The following FARS2 variants were observed in gnomAD, a reference collection of about 807,000 sequenced individuals.
FARS2 encodes phenylalanine--tRNA ligase, mitochondrial.
In FARS2, 40 loss-of-function variants were observed where a neutral mutation model predicts 46.4. The observed-to-expected ratio is 0.86, with a 90% confidence interval of 0.67 to 1.12. The LOEUF (loss-of-function observed/expected upper bound fraction) is 1.12, where lower values mean the gene tolerates loss of function less well. Among genes scored for constraint, FARS2 ranks in the 50% most tolerant of loss-of-function variants. The pLI is 0.00. For missense variants in FARS2, 513 were observed against 567.9 expected, an observed-to-expected ratio of 0.90 and a Z score of 0.98; for synonymous variants, 234 against 214.9, an observed-to-expected ratio of 1.09 and a Z score of -0.78.
chr6:5,314,726 C>T (rs1288950804), intron 1 of FARS2, among the ~76,000 whole-genome samples: 2 of 152,098 alleles, frequency 1.3e-5, no homozygotes, highest in African/African-American at 2.4e-5. Flanking sequence ...AGGTCCTCGT[C>T]GATATGGGGT....
Position 5,359,029 on chromosome 6 carries a change from CCTTTTTTTTTTTT to C in FARS2, c.-21-9520_-21-9508del, listed in dbSNP as rs1269708312. Among the ~76,000 whole-genome samples the C allele has an allele frequency of 4.3e-4, 31 of 72,534 alleles. 3 individuals carry two copies. The East Asian group carries it at 7.4e-3, about 17-fold the overall frequency. The allele number at this position is 72,534 out of a possible 152,430, so 47.6% of individuals were successfully genotyped here. On this transcript the variant is annotated intron_variant, in intron 1 of 6. Coordinates refer to ENST00000274680, the MANE Select transcript of FARS2 (RefSeq NM_006567.5). ...TCGAATTATAGTGATGAAAAGATAC[CCTTTTTTTTTTTT>C]TTTTTTTTTTTTTTTGATATGGAGG... is the stretch of plus-strand genomic sequence containing the variant.
intron 1 of FARS2, among the ~76,000 whole-genome samples, chr6:5,264,864 T>C (rs919181063): frequency 1.3e-5 from 2 of 152,100 alleles, no homozygotes; most frequent in African/African-American, 4.8e-5. Context: ...TGCTATCATA[T>C]CTCGTTGTAA....
intron 1 of FARS2, among the ~76,000 whole-genome samples, chr6:5,281,167 GCT>G (rs1269604792): frequency 1.3e-5 from 2 of 152,130 alleles, no homozygotes; most frequent in African/African-American, 4.8e-5. Context: ...GAGTCTAAAA[GCT>G]TCTTAAACAA....
intron 6 of FARS2, among the ~76,000 whole-genome samples, chr6:5,735,332 C>T (rs1760882131): frequency 6.6e-6 from 1 of 152,196 alleles, no homozygotes; most frequent in Admixed American, 6.5e-5. Flanking sequence ...CGTCATTTTC[C>T]TGTGATCCTT....
intron 6 of FARS2, among the ~76,000 whole-genome samples, chr6:5,651,666 C>G (rs1255114621): frequency 6.6e-6 from 1 of 152,164 alleles, no homozygotes; most frequent in Admixed American, 6.5e-5. Flanking sequence ...TAATAACAAC[C>G]ATTGCCTCTT....
chr6:5,504,121 G>C (rs1194723484), intron 4 of FARS2, among the ~76,000 whole-genome samples: 1 of 151,998 alleles, frequency 6.6e-6, no homozygotes, highest in African/African-American at 2.4e-5. Flanking sequence ...AGGGCCCAAT[G>C]GTAGGTACAC....
intron 1 of FARS2, among the ~76,000 whole-genome samples, chr6:5,292,453 GA>G (rs1442037877): frequency 7.9e-5 from 12 of 152,270 alleles, no homozygotes; most frequent in Admixed American, 7.2e-4. Context: ...TGGAGAGATG[GA>G]CAAATGCCAG....
At chr6:5,436,869 A>G (rs994320367) in intron 4 of FARS2, among the ~76,000 whole-genome samples, 12 of 152,240 alleles carry the variant, frequency 7.9e-5, no homozygotes, top group African/African-American at 2.9e-4. Flanking sequence ...TGAAAACCCT[A>G]TCTATAGCAT....
intron 6 of FARS2, among the ~76,000 whole-genome samples, chr6:5,686,829 G>A (rs1004150480): frequency 3.4e-4 from 52 of 152,342 alleles, no homozygotes; most frequent in African/African-American, 1.2e-3. Flanking sequence ...TAGTGTGAAA[G>A]TGTTCCTATT....
At chr6:5,401,100 ATTTTT>A (rs568829960) in intron 2 of FARS2, among the ~76,000 whole-genome samples, 6 of 151,748 alleles carry the variant, frequency 4.0e-5, no homozygotes, top group Non-Finnish European at 8.8e-5. Context: ...GGCCAGATTT[ATTTTT>A]TTAAGAGGTG....
intron 6 of FARS2, 78 bp from the exon 7 acceptor site, chr6:5,771,213 G>T: frequency 6.4e-7 from 1 of 1,567,806 alleles, no homozygotes; most frequent in Non-Finnish European, 8.7e-7. Flanking sequence ...GGGAGATCTG[G>T]CCAGGGCAAG....
At chr6:5,769,156 G>A (rs973778818) in intron 6 of FARS2, among the ~76,000 whole-genome samples, 1 of 152,202 alleles carries the variant, frequency 6.6e-6, no homozygotes, top group African/African-American at 2.4e-5. Context: ...TTGTGTGTGT[G>A]TGGTGTGAGG....
chr6:5,281,490 G>A (rs140016452), intron 1 of FARS2, among the ~76,000 whole-genome samples: 2 of 152,070 alleles, frequency 1.3e-5, no homozygotes, highest in African/African-American at 4.8e-5. Flanking sequence ...TACCATTTTA[G>A]CCATTTTTAA....
At chr6:5,650,696 C>G (rs1229564743) in intron 6 of FARS2, among the ~76,000 whole-genome samples, 1 of 152,162 alleles carries the variant, frequency 6.6e-6, no homozygotes, top group East Asian at 1.9e-4. Flanking sequence ...CCAGGATGGT[C>G]TCGATCTCCT....
intron 6 of FARS2, among the ~76,000 whole-genome samples, chr6:5,748,024 CA>C (rs2150960689): frequency 6.6e-6 from 1 of 152,248 alleles, no homozygotes; most frequent in African/African-American, 2.4e-5. Context: ...ATAGCTTTAA[CA>C]AATAATGTTG....
At chr6:5,626,556 C>T (rs1354111244) in intron 6 of FARS2, among the ~76,000 whole-genome samples, 1 of 152,136 alleles carries the variant, frequency 6.6e-6, no homozygotes, top group African/African-American at 2.4e-5. Context: ...CTTTGAGCCC[C>T]GCCTTTCTAC....
chr6:5,435,737 T>C (rs1182317865), intron 4 of FARS2, among the ~76,000 whole-genome samples: 1 of 152,218 alleles, frequency 6.6e-6, no homozygotes, highest in East Asian at 1.9e-4. Flanking sequence ...GGGACAACTA[T>C]GAGCCGTGAT....
intron 6 of FARS2, among the ~76,000 whole-genome samples, chr6:5,707,317 C>T (rs1758821744): frequency 6.6e-6 from 1 of 152,330 alleles, no homozygotes; most frequent in South Asian, 2.1e-4. Flanking sequence ...AAAACAGATT[C>T]AGCACCTGAG....
chr6:5,253,001 T>C, the FARS2 span, among the ~76,000 whole-genome samples: 1 of 152,238 alleles, frequency 6.6e-6, no homozygotes, highest in African/African-American at 2.4e-5. Flanking sequence ...AGGTGGCACT[T>C]AGGAGACCAG....
Sources: gnomAD v4.1 joint callset for allele counts (sites outside exome capture counted in the v4.1 genomes callset) on GRCh38, gnomAD v4.1.1 for gene constraint, MANE v1.5 for transcripts, NCBI Gene and HGNC (gene_info 2026-07-23, HGNC 2026-07-21) for gene names.